PCLO: variants seen among roughly 807,000 people sequenced by gnomAD.
The protein encoded by PCLO is protein piccolo.
In PCLO, 82 loss-of-function variants were observed where a neutral mutation model predicts 427.5. The observed-to-expected ratio is 0.19, with a 90% confidence interval of 0.16 to 0.23. The LOEUF is 0.23. PCLO is among the 10% of genes least tolerant of loss of function. The pLI is 1.00. For synonymous variants in PCLO, 2,357 were observed against 2,155.4 expected (o/e 1.09, Z -2.59); for missense variants, 6,239 against 6,115.9 (o/e 1.02, Z -0.67).
chr7:82,763,887 C>T (rs1036474915), intron 22 of PCLO, among the ~76,000 whole-genome samples: 2 of 151,956 alleles, frequency 1.3e-5, no homozygotes, highest in African/African-American at 4.8e-5. Context: ...ACCTGTCTTT[C>T]AACTATCAAG....
At chr7:82,789,410 A>C (rs909024141) in intron 22 of PCLO, among the ~76,000 whole-genome samples, 2 of 152,190 alleles carry the variant, frequency 1.3e-5, no homozygotes, top group African/African-American at 4.8e-5. Flanking sequence ...TATAAAGCTA[A>C]GAAAGCAAAA....
chr7:83,077,443 T>G (rs919133689), intron 3 of PCLO, among the ~76,000 whole-genome samples: 2 of 152,122 alleles, frequency 1.3e-5, no homozygotes, highest in African/African-American at 2.4e-5. Context: ...TTGTAGTAGT[T>G]GTTGCTGTTG....
chr7:82,845,587 T>C, intron 12 of PCLO, 102 bp from the exon 13 acceptor site: 2 of 715,496 alleles, frequency 2.8e-6, no homozygotes, highest in Admixed American at 2.7e-5. Flanking sequence ...ACATTACCTA[T>C]AAAATAAGCT....
At chr7:82,888,797 A>G (rs1376238203) in intron 9 of PCLO, among the ~76,000 whole-genome samples, 2 of 152,294 alleles carry the variant, frequency 1.3e-5, no homozygotes, top group African/African-American at 4.8e-5. Flanking sequence ...ACAAAATAAA[A>G]ATAATCTATT....
chr7:83,134,889 T>C lies in PCLO; in HGVS notation c.2661A>G (p.Gln887=). 1.2e-6 allele frequency: 2 copies of C among 1,603,376 alleles called. No individual in the cohort carries two copies. The highest frequency in any genetic ancestry group is 2.2e-5 in the South Asian group (2 of 89,340). ...GGGACTGTTGAGGTGTGGGGACAGT[T>C]TGGCCAGCGGTAGGTCGTGGGCCAG... ...TPPGPRPTAG[Q]TVPTPQQSPK... is the part of the protein sequence containing the mutation. Residue 887 remains glutamine, a synonymous_variant, in exon 3 of 25, where the codon CAA becomes CAG. Transcript: ENST00000333891.
At chr7:83,108,935 AG>A (rs1790934665) in intron 3 of PCLO, among the ~76,000 whole-genome samples, 1 of 152,168 alleles carries the variant, frequency 6.6e-6, no homozygotes, top group African/African-American at 2.4e-5. Context: ...CTGGTGCAAA[AG>A]TAATTGTGGT....
At chr7:83,140,428 T>G (rs926782794) in intron 2 of PCLO, among the ~76,000 whole-genome samples, 1 of 152,194 alleles carries the variant, frequency 6.6e-6, no homozygotes, top group African/African-American at 2.4e-5. Context: ...TATGCTAGTA[T>G]TTATGTAATT....
intron 6 of PCLO, among the ~76,000 whole-genome samples, chr7:82,926,481 G>T (rs1015993270): frequency 1.3e-5 from 2 of 151,986 alleles, no homozygotes; most frequent in Non-Finnish European, 2.9e-5. Flanking sequence ...AAACAAAATA[G>T]AACATATTTA....
intron 14 of PCLO, 29 bp downstream of exon 14, chr7:82,841,430 T>C (rs772210507): frequency 4.1e-6 from 6 of 1,480,842 alleles, no homozygotes; most frequent in Non-Finnish European, 5.7e-6. Context: ...AAAGGTTATA[T>C]AATGGCGACT....
chr7:82,786,500 T>C lies in PCLO; in HGVS notation c.15007+15018A>G, dbSNP rs374898948. 2.1e-4 allele frequency among the ~76,000 whole-genome samples: 32 copies of C among 152,304 alleles called. No individual in the cohort carries two copies. The East Asian group carries it at 3.3e-3, about 16-fold the overall frequency. ...ATTGTATATTTCCATATCTCCATAT[T>C]ATCATGTTTGCCATTACAACAATTC... On this transcript the variant is annotated intron_variant, in intron 22 of 24. Coordinates refer to ENST00000333891, the MANE Select transcript of PCLO (RefSeq NM_033026.6).
chr7:82,817,620 T>G (rs1030675394), intron 20 of PCLO, among the ~76,000 whole-genome samples: 1 of 152,150 alleles, frequency 6.6e-6, no homozygotes, highest in South Asian at 2.1e-4. Flanking sequence ...CACATGGATA[T>G]GAAACTCTTC....
intron 6 of PCLO, among the ~76,000 whole-genome samples, chr7:82,940,592 A>G (rs1795058711): frequency 6.6e-6 from 1 of 152,050 alleles, no homozygotes; most frequent in Non-Finnish European, 1.5e-5. Flanking sequence ...TTAGCTTCAA[A>G]TCTATTTTTA....
chr7:82,908,797 T>C (rs1794252620), intron 8 of PCLO, 80 bp downstream of exon 8: 2 of 1,211,748 alleles, frequency 1.7e-6, no homozygotes, highest in Non-Finnish European at 1.2e-6. Context: ...TCATTCCTTT[T>C]AGGACAATTA....
At chr7:83,015,847 T>A (rs1252134235) in intron 3 of PCLO, among the ~76,000 whole-genome samples, 1 of 152,188 alleles carries the variant, frequency 6.6e-6, no homozygotes, top group African/African-American at 2.4e-5. Flanking sequence ...TAGAATGTTA[T>A]CTTTTAATTC....
intron 3 of PCLO, among the ~76,000 whole-genome samples, chr7:83,131,027 T>G (rs1791558792): frequency 6.6e-6 from 1 of 152,202 alleles, no homozygotes; most frequent in Non-Finnish European, 1.5e-5. Flanking sequence ...TCTGACTCAT[T>G]TTGAATTTGA....
In PCLO at chr7:82,808,279, A is replaced by T. The variant is rs140532265; in HGVS notation, c.14792-2450T>A. On this transcript the variant is annotated intron_variant, in intron 20 of 24. Coordinates refer to ENST00000333891, the MANE Select transcript of PCLO (RefSeq NM_033026.6). ...CAATTTATATTTATTAAATTAAAAT[A>T]ATTTTAATTCAAGAGCAAACTCACA... Among the ~76,000 whole-genome samples the T allele has an allele frequency of 3.2e-3, 486 of 152,008 alleles. 3 individuals carry two copies. Among genetic ancestry groups the T allele is most frequent in the African/African-American group, 0.011 (456 of 41,566 alleles).
chr7:82,944,923 A>T (rs1462769606), intron 6 of PCLO, among the ~76,000 whole-genome samples: 1 of 152,184 alleles, frequency 6.6e-6, no homozygotes, highest in Non-Finnish European at 1.5e-5. Flanking sequence ...CTCTTACATA[A>T]AATATTCCAA....
chr7:83,097,607 G>A (rs1264240136), intron 3 of PCLO, among the ~76,000 whole-genome samples: 1 of 138,372 alleles, frequency 7.2e-6, no homozygotes. Flanking sequence ...TTACTCCTCT[G>A]TTTTTTCACG....
At chr7:83,020,136 T>C (rs1170161692) in intron 3 of PCLO, among the ~76,000 whole-genome samples, 2 of 152,138 alleles carry the variant, frequency 1.3e-5, no homozygotes, top group Non-Finnish European at 2.9e-5. Context: ...ATTAAATAAA[T>C]GGCACACATC....
Sources: gnomAD v4.1 joint callset for allele counts (sites outside exome capture counted in the v4.1 genomes callset) on GRCh38, gnomAD v4.1.1 for gene constraint, MANE v1.5 for transcripts, NCBI Gene and HGNC (gene_info 2026-07-23, HGNC 2026-07-21) for gene names.